Variants in TTN observed in about 807,000 individuals in gnomAD.
TTN encodes the protein titin.
Under a neutral mutation model 3,223.0 loss-of-function variants are expected in TTN, and 1,525 were observed. The ratio of observed to expected loss-of-function variants is 0.47; its 90% CI spans 0.45 to 0.49. TTN has a LOEUF of 0.49. Among genes scored for constraint, TTN ranks in the 20% least tolerant of loss-of-function variants. The pLI, the probability that TTN is intolerant of heterozygous loss-of-function variation, is 0.00. For synonymous variants in TTN, 14,094 were observed against 15,161.0 expected (o/e 0.93, Z 5.17); for missense variants, 40,786 against 43,424.0 (o/e 0.94, Z 5.40).
Position 178,739,646 on chromosome 2 carries a change from C to T in TTN, c.13587G>A (p.Leu4529=). ...AATAACTGACCTCTTCAGTTGAGATCAGATATTTAGATTCAACTTCTGGTT... is the reference window on the plus strand; with the variant it reads ...AATAACTGACCTCTTCAGTTGAGATTAGATATTTAGATTCAACTTCTGGTT... ...ITEPEVESKY[L]ISTEEVSYFN... Residue 4529 remains leucine, a synonymous_variant, in exon 48 of 363, where the codon CTG becomes CTA. Coordinates refer to ENST00000589042, the MANE Select transcript of TTN (RefSeq NM_001267550.2). The T allele has an allele frequency of 1.2e-6, 2 of 1,613,886 alleles. No homozygotes were observed. The highest frequency in any genetic ancestry group is 1.7e-6 in the Non-Finnish European group (2 of 1,179,846).
At chr2:178,613,716 C>A in intron 263 of TTN, 35 bp downstream of exon 263, 1 of 1,594,140 alleles carries the variant, frequency 6.3e-7, no homozygotes. Flanking sequence ...GAATATACTG[C>A]TGTCTTAACA....
At position 178,651,251 on chromosome 2, in the gene TTN, G is replaced by A; in HGVS notation, c.39617C>T (p.Pro13206Leu). ...TCATTAGTGACATGTACCTTTTGCTGGTGGGACTTCTGGCTTTTTGGGAAC... is the reference window on the plus strand; with the variant it reads ...TCATTAGTGACATGTACCTTTTGCTAGTGGGACTTCTGGCTTTTTGGGAAC... The part of the protein sequence containing the change: ...VAVPKKPEVP[P>L]AKVPEVPKKP... Residue 13206 changes from proline to leucine, a missense_variant, in exon 208 of 363, where the codon CCA becomes CTA. By Grantham distance (98) the Pro-to-Leu change is moderately conservative. Coordinates refer to ENST00000589042, the MANE Select transcript of TTN (RefSeq NM_001267550.2). 6.2e-7 allele frequency: 1 copy of A among 1,612,902 alleles called. No homozygotes were observed. The highest frequency in any genetic ancestry group is 8.5e-7 in the Non-Finnish European group (1 of 1,179,232).
chr2:178,667,713 C>T lies in TTN; in HGVS notation c.35554G>A (p.Ala11852Thr), dbSNP rs1350016572. The T allele has an allele frequency of 5.0e-6, 8 of 1,585,688 alleles. No individual in the cohort carries two copies. The highest frequency in any genetic ancestry group is 6.8e-6 in the Non-Finnish European group (8 of 1,171,664). Reference protein sequence around the residue: ...SEDTEMYIYEASEEAVLEEKV... With the variant: ...SEDTEMYIYETSEEAVLEEKV... ...TCTTCTAGGACTGCTTCTTCAGATG[C>T]TTCATAAACTTTAAAGATATTAGTA... Residue 11852 changes from alanine to threonine, a missense_variant, in exon 160 of 363, where the codon GCA becomes ACA. Ala to Thr is a moderately conservative substitution (Grantham distance 58). Coordinates refer to ENST00000589042, the MANE Select transcript of TTN (RefSeq NM_001267550.2).
chr2:178,762,117 T>C (rs1273360444), intron 43 of TTN, among the ~76,000 whole-genome samples: 4 of 152,146 alleles, frequency 2.6e-5, no homozygotes, highest in Admixed American at 1.3e-4. Context: ...TCCCAATTTC[T>C]TTCCAATTTG....
chr2:178,571,093 T>C lies in TTN; in HGVS notation c.75039A>G (p.Pro25013=). 1 of 1,613,452 alleles carries C rather than the reference T, an allele frequency of 6.2e-7. No homozygotes were observed. The highest frequency in any genetic ancestry group is 1.1e-5 in the South Asian group (1 of 91,058). The part of the protein sequence containing the change: ...ARDPCDPPGR[P]EAIIVTRNSV... The stretch of plus-strand genomic sequence containing the variant: ...AATTCCTTGTGACAATGATTGCCTC[T>C]GGCCGTCCTGGTGGATCACATGGGT... Residue 25013 remains proline (P), a synonymous_variant, in exon 326 of 363, where the codon CCA becomes CCG. Coordinates refer to ENST00000589042, the MANE Select transcript of TTN (RefSeq NM_001267550.2).
At chr2:178,793,574 T>C in intron 8 of TTN, 33 bp from the exon 9 acceptor site, 1 of 1,611,212 alleles carries the variant, frequency 6.2e-7, no homozygotes, top group East Asian at 2.2e-5. Flanking sequence ...GAAAACACCT[T>C]AATGCATCTT....
chr2:178,780,968 G>T (rs2092712669), intron 21 of TTN, among the ~76,000 whole-genome samples, 153 bp downstream of exon 21: 1 of 152,190 alleles, frequency 6.6e-6, no homozygotes. Flanking sequence ...AGGCCATGTG[G>T]TCTAAAACAT....
rs766026944 is a variant in TTN, at chr2:178,652,515, G to A, written c.39070C>T (p.Pro13024Ser). ...KVPEAPKEVV[P>S]EKKVPAAPPK... ...GGAGCCGCTGGCACTTTCTTTTCAG[G>A]AACAACTTCTTTCGGAGCCTCTGGC... The change falls in exon 202 of 363, where the codon CCT becomes TCT. Residue 13024 changes from proline to serine, a missense_variant. By Grantham distance (74) the Pro-to-Ser change is moderately conservative (BLOSUM62 -1). Transcript: ENST00000589042. 8 of 1,613,430 alleles carry A rather than the reference G, an allele frequency of 5.0e-6. No individual in the cohort carries two copies. In the East Asian group the frequency reaches 6.7e-5, roughly 13 times the overall value.
At position 178,674,304 on chromosome 2, in the gene TTN, G is replaced by C. The variant is rs2067585344; in HGVS notation, c.34708+10C>G. 1 of 1,523,920 alleles carries C rather than the reference G, an allele frequency of 6.6e-7. No individual in the cohort carries two copies. Among genetic ancestry groups the C allele is most frequent in the Non-Finnish European group, 9.0e-7 (1 of 1,110,366 alleles). The allele number at this position is 1,523,920 out of a possible 1,614,324, so 94.4% of individuals were successfully genotyped here. ...AATTTTAAATGTTCAATCCTTAAAA[G>C]CGGTTATACCTCTAGGTGGTGCCAC... On this transcript the variant is annotated intron_variant, in intron 151 of 362. Transcript: ENST00000589042.
intron 47 of TTN, chr2:178,751,588 C>T (rs771287066): frequency 1.9e-6 from 3 of 1,613,052 alleles, no homozygotes; most frequent in Non-Finnish European, 2.5e-6. Context: ...CTAAATATTT[C>T]TCATCTTGCC....
chr2:178,576,492 T>C lies in TTN; in HGVS notation c.69715+37A>G. 6.2e-7 allele frequency: 1 copy of C among 1,600,996 alleles called. No individual in the cohort carries two copies. Among genetic ancestry groups the C allele is most frequent in the South Asian group, 1.1e-5 (1 of 87,632 alleles). ...GGTAATTTAGATAAAATATTGGCAC[T>C]CTGGAATGAACGGTGTTGAAAAAGA... On this transcript the variant is annotated intron_variant, in intron 325 of 362. Transcript: ENST00000589042. This position sits in a 1 kb window ranked among gnomAD's most constrained non-coding sequence, Gnocchi z 4.3.
chr2:178,629,804 T>C (rs183324365), intron 239 of TTN, among the ~76,000 whole-genome samples: 33 of 152,188 alleles, frequency 2.2e-4, no homozygotes, highest in Non-Finnish European at 3.5e-4. Context: ...GCTGTCCCTA[T>C]CCATCAAACA....
In TTN at chr2:178,673,700, C is replaced by T; in HGVS notation, c.34719G>A (p.Val11573=). Residue 11573 remains valine (V), a synonymous_variant, in exon 152 of 363, where the codon GTG becomes GTA. Transcript: ENST00000589042. ...GTGCTTCAGGTACTGCTTTCTTAATCACTTCAGGCACTTAAAAGAAATTTT... is the reference window on the plus strand; with the variant it reads ...GTGCTTCAGGTACTGCTTTCTTAATTACTTCAGGCACTTAAAAGAAATTTT... The part of the protein sequence containing the change: ...EEVAPPRVPE[V]IKKAVPEAPT... 1.3e-6 allele frequency: 2 copies of T among 1,585,220 alleles called. No individual in the cohort carries two copies. Among genetic ancestry groups the T allele is most frequent in the African/African-American group, 2.7e-5 (2 of 73,068 alleles).
In TTN at chr2:178,624,552, C is replaced by G; in HGVS notation, c.44728G>C (p.Val14910Leu). The change falls in exon 242 of 363, where the codon GTT becomes CTT. Residue 14910 changes from valine (V) to leucine (L), a missense_variant. Physicochemically the swap from Val to Leu is conservative, Grantham distance 32. Coordinates refer to ENST00000589042, the MANE Select transcript of TTN (RefSeq NM_001267550.2). ...IVADGRVRKLVIHDCTPEDIK... is the reference protein window; with the variant it reads ...IVADGRVRKLLIHDCTPEDIK... ...TCCTCTGGGGTACAGTCATGTATAA[C>G]AAGTTTTCTGACCCTGCCATCAGCA... The G allele has an allele frequency of 6.2e-7, 1 of 1,612,730 alleles. No individual in the cohort carries two copies. The highest frequency in any genetic ancestry group is 2.2e-5 in the East Asian group (1 of 44,696).
rs532479339 is a variant in TTN at position 178,784,367 on chromosome 2, G to A, written c.2494-16C>T. On this transcript the variant is annotated splice_polypyrimidine_tract_variant and intron_variant, in intron 15 of 362. Coordinates refer to ENST00000589042, the MANE Select transcript of TTN (RefSeq NM_001267550.2). ...CTATTGATGCCTACATGGAAACAGA[G>A]TCAGAAAATAAAGTCATTTAACCAT... 6 of 1,613,662 alleles carry A rather than the reference G, an allele frequency of 3.7e-6. No individual in the cohort carries two copies. In the Admixed American group the frequency reaches 1.0e-4, roughly 27 times the overall value.
chr2:178,688,915 T>C, intron 125 of TTN, 137 bp from the exon 126 acceptor site: 1 of 1,162,142 alleles, frequency 8.6e-7, no homozygotes, highest in Non-Finnish European at 1.2e-6. Context: ...CACAAGGACA[T>C]AAACACAAAA....
rs756904634 is a variant in TTN, at chr2:178,530,929, G to A, written c.105686C>T (p.Thr35229Ile). The A allele has an allele frequency of 1.9e-6, 3 of 1,614,004 alleles. No homozygotes were observed. Among genetic ancestry groups the A allele is most frequent in the Non-Finnish European group, 2.5e-6 (3 of 1,179,888 alleles). Reference sequence around the variant, plus strand: ...TGGGGATTTGACTCTTGGTGGTGATGTCACAGCCTTTTCAGTTACCCTGGC... The same window carrying A: ...TGGGGATTTGACTCTTGGTGGTGATATCACAGCCTTTTCAGTTACCCTGGC... ...QKARVTEKAV[T>I]SPPRVKSPEP... The change falls in exon 358 of 363, where the codon ACA becomes ATA. Residue 35229 changes from threonine to isoleucine, a missense_variant. Thr to Ile is a moderately conservative substitution (Grantham distance 89). Transcript: ENST00000589042.
chr2:178,552,591 C>T lies in TTN; in HGVS notation c.90309G>A (p.Val30103=), dbSNP rs1060503968. ...TCAGTCCTTTCTCATTTTTGGCAAACACTCTGAACTCCAGGACTGACTGCT... is the reference window on the plus strand; with the variant it reads ...TCAGTCCTTTCTCATTTTTGGCAAATACTCTGAACTCCAGGACTGACTGCT... ...LKEQSVLEFR[V]FAKNEKGLSD... is the part of the protein sequence containing the mutation. Residue 30103 remains valine (V), a synonymous_variant, in exon 335 of 363, where the codon GTG becomes GTA. Coordinates refer to ENST00000589042, the MANE Select transcript of TTN (RefSeq NM_001267550.2). 6.2e-7 allele frequency: 1 copy of T among 1,613,862 alleles called. No individual in the cohort carries two copies. The highest frequency in any genetic ancestry group is 8.5e-7 in the Non-Finnish European group (1 of 1,179,820).
At chr2:178,754,559 G>T (rs1343790002) in intron 46 of TTN, among the ~76,000 whole-genome samples, 1 of 152,120 alleles carries the variant, frequency 6.6e-6, no homozygotes, top group Non-Finnish European at 1.5e-5. Context: ...TGAGTTAAGA[G>T]ATCTACATTT....
Sources: allele counts gnomAD v4.1 joint callset (sites outside exome capture counted in the v4.1 genomes callset), GRCh38; gene constraint gnomAD v4.1.1; non-coding constraint Gnocchi (gnomAD v3.1); transcripts MANE v1.5; gene names NCBI Gene and HGNC (gene_info 2026-07-23, HGNC 2026-07-21).